Variants in ZNF354A observed in about 807,000 individuals in gnomAD.
The protein encoded by ZNF354A is epididymis luminal protein 104.
In ZNF354A, 25 loss-of-function variants were observed where a neutral mutation model predicts 53.3. The ratio of observed to expected loss-of-function variants is 0.47; its 90% CI spans 0.34 to 0.66. The LOEUF is 0.66. Among genes scored for constraint, ZNF354A ranks in the 30% least tolerant of loss-of-function variants. The pLI is 0.01. For synonymous variants in ZNF354A, 228 were observed against 249.0 expected, an observed-to-expected ratio of 0.92 and a Z score of 0.79; for missense variants, 586 against 716.8, an observed-to-expected ratio of 0.82 and a Z score of 2.08.
chr5:178,712,722 C>G lies in ZNF354A; in HGVS notation c.1156G>C (p.Glu386Gln), dbSNP rs1297972635. Reference sequence around the variant, plus strand: ...CTCTGGCTGAAGGCTCTCCCACATTCACTACATTTAAAAGGCTTCTCTCCA... The same window carrying G: ...CTCTGGCTGAAGGCTCTCCCACATTGACTACATTTAAAAGGCTTCTCTCCA... Reference protein sequence around the residue: ...HTGEKPFKCSECGRAFSQSAS... With the variant: ...HTGEKPFKCSQCGRAFSQSAS... Residue 386 changes from glutamate (E) to glutamine (Q), a missense_variant, in exon 5 of 5, where the codon GAA (glutamate) becomes CAA (glutamine). Around this residue, in one of 2 missense-constraint regions of ZNF354A, gnomAD observed 573 missense variants for 680.1 expected, o/e 0.84. Coordinates refer to ENST00000335815, the MANE Select transcript of ZNF354A (RefSeq NM_005649.3). 1 of 1,613,688 alleles carries G rather than the reference C, an allele frequency of 6.2e-7. No individual in the cohort carries two copies. Among genetic ancestry groups the G allele is most frequent in the Non-Finnish European group, 8.5e-7 (1 of 1,179,652 alleles).
At chr5:178,726,858 GT>G in intron 3 of ZNF354A, 140 bp downstream of exon 3, 1 of 1,295,172 alleles carries the variant, frequency 7.7e-7, no homozygotes, top group Non-Finnish European at 1.0e-6. Flanking sequence ...GGTTTTTAAT[GT>G]TTATTTATAA....
In ZNF354A at chr5:178,712,819, G is replaced by C; in HGVS notation, c.1059C>G (p.Ser353=). The change falls in exon 5 of 5, where the codon TCC becomes TCG. Residue 353 remains serine (S), a synonymous_variant. Transcript: ENST00000335815. The stretch of plus-strand genomic sequence containing the variant: ...TGTTGCCACATTCATTACATAAGTA[G>C]GACTTCTTTCTAGAATGAATTCTTT... ...GCQRIHSRKK[S]YLCNECGNTF... 1 of 1,614,072 alleles carries C rather than the reference G, an allele frequency of 6.2e-7. No homozygotes were observed. The highest frequency in any genetic ancestry group is 2.2e-5 in the East Asian group (1 of 44,860).
At chr5:178,719,901 C>G (rs1300832976) in intron 4 of ZNF354A, among the ~76,000 whole-genome samples, 1 of 151,258 alleles carries the variant, frequency 6.6e-6, no homozygotes, top group Non-Finnish European at 1.5e-5. Context: ...GAGCCGAGAT[C>G]CCGCCACCGC....
intron 2 of ZNF354A, among the ~76,000 whole-genome samples, chr5:178,728,225 A>G (rs747363398): frequency 3.9e-5 from 6 of 152,184 alleles, no homozygotes; most frequent in Non-Finnish European, 7.3e-5. Context: ...CTGAGCTTGC[A>G]TTCTTAACTA....
intron 4 of ZNF354A, among the ~76,000 whole-genome samples, chr5:178,713,921 G>A (rs1765670138): frequency 6.6e-6 from 1 of 151,586 alleles, no homozygotes; most frequent in African/African-American, 2.4e-5. Flanking sequence ...AAGGGATCAT[G>A]AGTTGAAAGA....
intron 4 of ZNF354A, among the ~76,000 whole-genome samples, chr5:178,723,456 C>T (rs984969393): frequency 2.0e-5 from 3 of 152,236 alleles, no homozygotes; most frequent in East Asian, 3.9e-4. Context: ...GGCTCTCTCT[C>T]GGGTGCTCCA....
chr5:178,716,584 G>A (rs894578350), intron 4 of ZNF354A, among the ~76,000 whole-genome samples: 1 of 152,174 alleles, frequency 6.6e-6, no homozygotes, highest in East Asian at 1.9e-4. Flanking sequence ...ACTTTGGAGT[G>A]TGCGCATGTG....
In ZNF354A at chr5:178,711,956, T is replaced by C; in HGVS notation, c.*104A>G. On this transcript the variant is annotated 3_prime_UTR_variant, in exon 5 of 5. Coordinates refer to ENST00000335815, the MANE Select transcript of ZNF354A (RefSeq NM_005649.3). ...AATTAAATACCTAATGAGGGCTAAATTATTACAGTTTTTTTCACATCCATT... is the reference window on the plus strand; with the variant it reads ...AATTAAATACCTAATGAGGGCTAAACTATTACAGTTTTTTTCACATCCATT... 1 of 1,410,004 alleles carries C rather than the reference T, an allele frequency of 7.1e-7. No individual in the cohort carries two copies. Among genetic ancestry groups the C allele is most frequent in the Non-Finnish European group, 9.5e-7 (1 of 1,052,172 alleles). The allele number at this position is 1,410,004 out of a possible 1,614,324, so 87.3% of individuals were successfully genotyped here. A position where few individuals can be genotyped will look rare whatever the true frequency, so the allele number is the denominator to read the frequency against.
Position 178,728,782 on chromosome 5 carries a change from C to CAAAAAAAAAAA in ZNF354A, c.33+197_33+207dup, listed in dbSNP as rs1157233878. On this transcript the variant is annotated intron_variant, in intron 2 of 4. Coordinates refer to ENST00000335815, the MANE Select transcript of ZNF354A (RefSeq NM_005649.3). ...ACTGCCTGGGCGACAAAGCGAGATT[C>CAAAAAAAAAAA]AAAAAAAAAAAAAAAAAAGAGAACC... Among the ~76,000 whole-genome samples, 200 of 50,820 alleles carry CAAAAAAAAAAA rather than the reference C, an allele frequency of 3.9e-3. 14 individuals are homozygous for CAAAAAAAAAAA. The highest frequency in any genetic ancestry group is 0.013 in the African/African-American group (139 of 10,656). 33.3% of individuals were successfully genotyped at this position (50,820 alleles called of 152,430 possible).
At position 178,712,143 on chromosome 5, in the gene ZNF354A, C is replaced by T. The variant is rs1765630264; in HGVS notation, c.1735G>A (p.Glu579Lys). The T allele has an allele frequency of 6.2e-7, 1 of 1,613,988 alleles. No homozygotes were observed. Among genetic ancestry groups the T allele is most frequent in the Non-Finnish European group, 8.5e-7 (1 of 1,179,930 alleles). ...AAAAGTTTCCCACATGTATTACATT[C>T]ATAGGGTTTCTCTCCAGTATGAATT... Reference protein sequence around the residue: ...QRIHTGEKPYECNTCGKLFNH... With the variant: ...QRIHTGEKPYKCNTCGKLFNH... Residue 579 changes from glutamate (E) to lysine (K), a missense_variant, in exon 5 of 5, where the codon GAA becomes AAA. Glu to Lys is a moderately conservative substitution (Grantham distance 56). Around this residue, in one of 2 missense-constraint regions of ZNF354A, gnomAD observed 573 missense variants for 680.1 expected, o/e 0.84. Coordinates refer to ENST00000335815, the MANE Select transcript of ZNF354A (RefSeq NM_005649.3).
rs538154282 is a variant in ZNF354A at position 178,719,871 on chromosome 5, C to T, written c.256+5505G>A. ...CTGAGGCAGGAGAATGGCGTGAACCCGGGAGGCGGAGCTTGCAGTGAGCCG... is the reference window on the plus strand; with the variant it reads ...CTGAGGCAGGAGAATGGCGTGAACCTGGGAGGCGGAGCTTGCAGTGAGCCG... On this transcript the variant is annotated intron_variant, in intron 4 of 4. Coordinates refer to ENST00000335815, the MANE Select transcript of ZNF354A (RefSeq NM_005649.3). Among the ~76,000 whole-genome samples, 615 of 151,628 alleles carry T rather than the reference C, an allele frequency of 4.1e-3. 4 individuals carry two copies. Among genetic ancestry groups the T allele is most frequent in the African/African-American group, 0.014 (573 of 41,320 alleles).
intron 1 of ZNF354A, among the ~76,000 whole-genome samples, chr5:178,729,872 G>GCTTCTTT (rs746292908): frequency 1.4e-4 from 20 of 143,400 alleles, no homozygotes; most frequent in South Asian, 2.2e-4. Context: ...CTAACACGAT[G>GCTTCTTT]TTTCTTTTTT....
intron 2 of ZNF354A, among the ~76,000 whole-genome samples, chr5:178,728,649 T>C (rs1316741667): frequency 1.3e-5 from 2 of 150,606 alleles, no homozygotes; most frequent in Non-Finnish European, 3.0e-5. Flanking sequence ...AAAAAAAACT[T>C]AGCCGGGCGT....
chr5:178,728,799 A>AAAAAAAAAAAAAAAAC (rs1554094807), intron 2 of ZNF354A, among the ~76,000 whole-genome samples, 191 bp downstream of exon 2: 1 of 145,870 alleles, frequency 6.9e-6, no homozygotes, highest in Admixed American at 6.8e-5. Flanking sequence ...AAAAAAAAAA[A>AAAAAAAAAAAAAAAAC]AGAGAACCAC....
chr5:178,717,877 T>A lies in ZNF354A; in HGVS notation c.257-4256A>T, dbSNP rs1193763939. 3.3e-5 allele frequency among the ~76,000 whole-genome samples: 5 copies of A among 152,156 alleles called. No homozygotes were observed. In the South Asian group the frequency reaches 1.0e-3, roughly 32 times the overall value. Reference sequence around the variant, plus strand: ...AGGACTAAAAACTTAATCCTGATTGTGGCAAGACGGAGGTTGTTTGGGATT... The same window carrying A: ...AGGACTAAAAACTTAATCCTGATTGAGGCAAGACGGAGGTTGTTTGGGATT... On this transcript the variant is annotated intron_variant, in intron 4 of 4. Coordinates refer to ENST00000335815, the MANE Select transcript of ZNF354A (RefSeq NM_005649.3).
At chr5:178,729,570 A>AG (rs1298645074) in intron 1 of ZNF354A, among the ~76,000 whole-genome samples, 1 of 124,098 alleles carries the variant, frequency 8.1e-6, no homozygotes, top group Non-Finnish European at 1.8e-5. Context: ...TTTTTTTTTG[A>AG]GGCGGAGTCT....
intron 4 of ZNF354A, among the ~76,000 whole-genome samples, chr5:178,722,210 T>C (rs1370665714): frequency 5.9e-5 from 9 of 152,146 alleles, no homozygotes; most frequent in Non-Finnish European, 2.9e-5. Context: ...GTGAACACTC[T>C]CCCTAGGCCA....
chr5:178,712,227 T>G lies in ZNF354A; in HGVS notation c.1651A>C (p.Lys551Gln), dbSNP rs1352278767. 3.7e-6 allele frequency: 6 copies of G among 1,614,016 alleles called. No homozygotes were observed. Among genetic ancestry groups the G allele is most frequent in the Admixed American group, 3.3e-5 (2 of 60,004 alleles). Residue 551 changes from lysine (K) to glutamine (Q), a missense_variant, in exon 5 of 5, where the codon AAA becomes CAA. Lys to Gln is a moderately conservative substitution (Grantham distance 53). This residue lies in a region of ZNF354A where 573 missense variants were observed against 680.1 expected (regional missense o/e 0.84). Coordinates refer to ENST00000335815, the MANE Select transcript of ZNF354A (RefSeq NM_005649.3). The part of the protein sequence containing the change: ...RRIHTGEKPF[K>Q]CNTCGKTFRQ... ...AAAGTTTTTCCACATGTATTACATT[T>G]AAAGGGTTTTTCTCCTGTATGAATC...
At chr5:178,727,332 TA>T (rs1284861954) in intron 2 of ZNF354A, among the ~76,000 whole-genome samples, 2 of 152,220 alleles carry the variant, frequency 1.3e-5, no homozygotes, top group South Asian at 2.1e-4. Flanking sequence ...GCAGCCACTG[TA>T]AGAGATGGGT....
Sources: gnomAD v4.1 joint callset for allele counts (sites outside exome capture counted in the v4.1 genomes callset) on GRCh38, gnomAD v4.1.1 for gene constraint, gnomAD v4.1.1 regional missense constraint, MANE v1.5 for transcripts, NCBI Gene and HGNC (gene_info 2026-07-23, HGNC 2026-07-21) for gene names.